Variants in ZNF618 observed in about 807,000 individuals in gnomAD.
ZNF618 encodes the protein zinc finger protein 618.
A neutral mutation model predicts 103.0 loss-of-function variants in ZNF618; 34 were observed. The ratio of observed to expected loss-of-function variants is 0.33; its 90% CI spans 0.25 to 0.44. The LOEUF (loss-of-function observed/expected upper bound fraction) is 0.44, where lower values mean the gene tolerates loss of function less well. Ranked by LOEUF, ZNF618 falls within the 20% of genes least tolerant of loss-of-function variation. The probability of loss-of-function intolerance (pLI) is 1.00; values close to 1 mark genes in which losing one functional copy is unlikely to be tolerated. For synonymous variants in ZNF618, 551 were observed against 542.2 expected (o/e 1.02, Z -0.23); for missense variants, 1,059 against 1,295.4 (o/e 0.82, Z 2.80).
At position 113,889,816 on chromosome 9, in the gene ZNF618, C is replaced by T. The variant is rs574861842; in HGVS notation, c.33+13403C>T. Among the ~76,000 whole-genome samples the T allele has an allele frequency of 2.6e-5, 4 of 152,276 alleles. No homozygotes were observed. In the East Asian group the frequency reaches 7.7e-4, roughly 29 times the overall value. ...GTGACTGTCTGTTCTTCTGTCTATCCCAATCACCTAACACATTTTGAGGAC... is the reference window on the plus strand; with the variant it reads ...GTGACTGTCTGTTCTTCTGTCTATCTCAATCACCTAACACATTTTGAGGAC... On this transcript the variant is annotated intron_variant, in intron 1 of 14. Coordinates refer to ENST00000374126, the MANE Select transcript of ZNF618 (RefSeq NM_001318042.2).
At chr9:113,931,286 C>T (rs1034732380) in intron 1 of ZNF618, among the ~76,000 whole-genome samples, 15 of 152,134 alleles carry the variant, frequency 9.9e-5, no homozygotes, top group Non-Finnish European at 1.9e-4. Flanking sequence ...TGAGCACACT[C>T]GTGTCGGGGA....
intron 1 of ZNF618, among the ~76,000 whole-genome samples, chr9:113,926,623 T>A (rs1164415698): frequency 6.6e-6 from 1 of 152,222 alleles, no homozygotes; most frequent in Non-Finnish European, 1.5e-5. Flanking sequence ...TTCTTTTGAT[T>A]CTCTCTTAGT....
chr9:113,899,372 GC>G (rs1380434600), intron 1 of ZNF618, among the ~76,000 whole-genome samples: 1 of 152,132 alleles, frequency 6.6e-6, no homozygotes, highest in Admixed American at 6.5e-5. Flanking sequence ...GGGGTCCCCA[GC>G]CTCCAGGCTG....
At chr9:113,900,352 A>G (rs1462646014) in intron 1 of ZNF618, among the ~76,000 whole-genome samples, 2 of 152,128 alleles carry the variant, frequency 1.3e-5, no homozygotes, top group Non-Finnish European at 2.9e-5. Flanking sequence ...GTGAGCCACC[A>G]TGCCTGGCCG....
At chr9:114,029,427 C>T (rs946906395) in intron 11 of ZNF618, among the ~76,000 whole-genome samples, 2 of 152,308 alleles carry the variant, frequency 1.3e-5, no homozygotes, top group Non-Finnish European at 2.9e-5. Context: ...TTGGCTGCCT[C>T]CTTGAGTAGA....
chr9:113,889,820 T>C (rs1003432664), intron 1 of ZNF618, among the ~76,000 whole-genome samples: 1 of 152,166 alleles, frequency 6.6e-6, no homozygotes, highest in Non-Finnish European at 1.5e-5. Context: ...TCTATCCCAA[T>C]CACCTAACAC....
At chr9:113,952,333 C>G (rs1035227681) in intron 1 of ZNF618, among the ~76,000 whole-genome samples, 1 of 152,126 alleles carries the variant, frequency 6.6e-6, no homozygotes, top group Non-Finnish European at 1.5e-5. Flanking sequence ...CACCTTTTAC[C>G]ACCCCTTCCC....
intron 1 of ZNF618, among the ~76,000 whole-genome samples, chr9:113,957,212 C>T (rs1023741143): frequency 9.2e-5 from 14 of 152,318 alleles, no homozygotes; most frequent in Admixed American, 3.9e-4. Context: ...TTAATGACAT[C>T]ATCCAGATCT....
At chr9:113,967,323 G>C (rs1837508331) in intron 1 of ZNF618, among the ~76,000 whole-genome samples, 1 of 152,212 alleles carries the variant, frequency 6.6e-6, no homozygotes, top group East Asian at 1.9e-4. Context: ...TAATTGATCT[G>C]TTCTTTTGCT....
rs1242686867 is a variant in ZNF618 at position 113,951,559 on chromosome 9, G to GTATATATGTACACA, written c.34-17553_34-17552insATGTACACATATAT. 8.3e-5 allele frequency among the ~76,000 whole-genome samples: 3 copies of GTATATATGTACACA among 36,068 alleles called. 1 individual carries two copies. Among genetic ancestry groups the GTATATATGTACACA allele is most frequent in the African/African-American group, 2.1e-4 (3 of 14,116 alleles). 23.7% of individuals were successfully genotyped at this position (36,068 alleles called of 152,430 possible). On this transcript the variant is annotated intron_variant, in intron 1 of 14. Transcript: ENST00000374126. ...TGTACATATGTACACATATGTGTGT[G>GTATATATGTACACA]TATATGTGTGTGTGTATATGTGTGT...
Position 114,008,562 on chromosome 9 carries a change from G to T in ZNF618, c.754+8G>T. ...TCCAGAAAATCGGGCCAAGTATGCG[G>T]GATTCCCTCTGGGGCCAAGGGCTGG... On this transcript the variant is annotated splice_region_variant and intron_variant, in intron 9 of 14. Coordinates refer to ENST00000374126, the MANE Select transcript of ZNF618 (RefSeq NM_001318042.2). The T allele has an allele frequency of 6.2e-7, 1 of 1,613,758 alleles. No individual in the cohort carries two copies. The highest frequency in any genetic ancestry group is 8.5e-7 in the Non-Finnish European group (1 of 1,179,822).
intron 2 of ZNF618, among the ~76,000 whole-genome samples, chr9:113,981,292 A>G (rs1318058509): frequency 1.3e-5 from 2 of 152,162 alleles, no homozygotes; most frequent in Non-Finnish European, 2.9e-5. Flanking sequence ...GAGGAAGAGC[A>G]GGGGTCCTCA....
chr9:113,988,843 C>T (rs758244466), intron 3 of ZNF618, among the ~76,000 whole-genome samples: 1 of 152,212 alleles, frequency 6.6e-6, no homozygotes, highest in East Asian at 1.9e-4. Context: ...ATGCCTGGAA[C>T]CTTCCGGGGG....
chr9:113,900,293 T>A (rs1158864707), intron 1 of ZNF618, among the ~76,000 whole-genome samples: 1 of 152,090 alleles, frequency 6.6e-6, no homozygotes, highest in Admixed American at 6.5e-5. Flanking sequence ...AACTCCTGAC[T>A]TCAAGTGATC....
chr9:114,008,272 T>C, intron 7 of ZNF618, 72 bp from the exon 8 acceptor site: 1 of 1,597,054 alleles, frequency 6.3e-7, no homozygotes, highest in South Asian at 1.1e-5. Context: ...CAGAGGCAGC[T>C]CTGGGCAGGG....
At chr9:113,981,299 CT>C (rs1193246124) in intron 2 of ZNF618, among the ~76,000 whole-genome samples, 1 of 152,068 alleles carries the variant, frequency 6.6e-6, no homozygotes, top group Non-Finnish European at 1.5e-5. Flanking sequence ...AGCAGGGGTC[CT>C]CAGGCTGAGT....
chr9:114,046,427 A>T (rs1471142028), intron 13 of ZNF618, among the ~76,000 whole-genome samples: 1 of 152,220 alleles, frequency 6.6e-6, no homozygotes, highest in Non-Finnish European at 1.5e-5. Context: ...GCCTAGAAGC[A>T]GTAGGCTATA....
At chr9:114,048,613 C>G (rs572248929) in intron 14 of ZNF618, 38 bp from the exon 15 acceptor site, 1 of 1,572,138 alleles carries the variant, frequency 6.4e-7, no homozygotes, top group South Asian at 1.2e-5. Context: ...GCCTTGAATG[C>G]CAGAATTAAT....
chr9:113,949,636 T>C (rs1250646422), intron 1 of ZNF618, among the ~76,000 whole-genome samples: 1 of 152,136 alleles, frequency 6.6e-6, no homozygotes, highest in Non-Finnish European at 1.5e-5. Flanking sequence ...TCCCCGCTCC[T>C]CTCTCCCCTC....
Sources: gnomAD v4.1 joint callset for allele counts (sites outside exome capture counted in the v4.1 genomes callset) on GRCh38, gnomAD v4.1.1 for gene constraint, MANE v1.5 for transcripts, NCBI Gene and HGNC (gene_info 2026-07-23, HGNC 2026-07-21) for gene names.